RAP1B: variants seen among roughly 807,000 people sequenced by gnomAD.
RAP1B encodes RAP1B, member of RAS oncogene family.
RAP1B carries 1 observed loss-of-function variant against 27.5 expected under a neutral mutation model. The observed-to-expected ratio is 0.04, with a 90% CI of 0.01 to 0.17. RAP1B has a LOEUF of 0.17. RAP1B is among the 10% of genes least tolerant of loss of function. The pLI is 1.00. For synonymous variants in RAP1B, 75 were observed against 73.1 expected, an observed-to-expected ratio of 1.03 and a Z score of -0.13; for missense variants, 84 against 214.8, an observed-to-expected ratio of 0.39 and a Z score of 3.81.
chr12:68,612,755 A>G, intron 1 of RAP1B, among the ~76,000 whole-genome samples: 1 of 152,338 alleles, frequency 6.6e-6, no homozygotes, highest in African/African-American at 2.4e-5. Flanking sequence ...AGCCTGAATG[A>G]TAGTCTTATT....
intron 1 of RAP1B, among the ~76,000 whole-genome samples, chr12:68,628,692 A>G (rs1318687245): frequency 6.6e-6 from 1 of 152,108 alleles, no homozygotes; most frequent in African/African-American, 2.4e-5. Context: ...TTTCATGAAT[A>G]TTGAAGCTCT....
chr12:68,621,080 A>G (rs2135918296), intron 1 of RAP1B, among the ~76,000 whole-genome samples: 1 of 152,340 alleles, frequency 6.6e-6, no homozygotes, highest in East Asian at 1.9e-4. Context: ...CCAGTGTTGC[A>G]AAGAACAAAG....
chr12:68,640,572 G>C (rs2135947163), intron 1 of RAP1B, among the ~76,000 whole-genome samples: 1 of 152,266 alleles, frequency 6.6e-6, no homozygotes, highest in Non-Finnish European at 1.5e-5. Context: ...GACCAGCACA[G>C]TTCTTGGGTT....
intron 1 of RAP1B, among the ~76,000 whole-genome samples, chr12:68,617,910 C>A (rs781593938): frequency 5.5e-4 from 83 of 151,946 alleles, no homozygotes; most frequent in South Asian, 2.3e-3. Flanking sequence ...CCTACAGGCG[C>A]ATGCCACCAT....
chr12:68,626,894 G>A (rs1871827066), intron 1 of RAP1B: 1 of 1,574,942 alleles, frequency 6.3e-7, no homozygotes, highest in Non-Finnish European at 8.6e-7. Context: ...CCCGCCACTT[G>A]TCCACAGGGC....
Position 68,671,148 on chromosome 12 carries a change from C to G in RAP1B, c.*11899C>G, listed in dbSNP as rs1221972488. ...CCATCAACATAAAAAGATGCTCTAA[C>G]TGTAGCCAGAGAAATACGAATCAAA... On this transcript the variant is annotated 3_prime_UTR_variant, in exon 8 of 8. Coordinates refer to ENST00000250559, the MANE Select transcript of RAP1B (RefSeq NM_001010942.3). 1 of 151,294 alleles carries G rather than the reference C, an allele frequency of 6.6e-6. No individual in the cohort carries two copies. Among genetic ancestry groups the G allele is most frequent in the South Asian group, 2.1e-4 (1 of 4,794 alleles). 9.4% of individuals were successfully genotyped at this position (151,294 alleles called of 1,614,324 possible). A position where few individuals can be genotyped will look rare whatever the true frequency, so the allele number is the denominator to read the frequency against.
At chr12:68,657,052 G>A (rs1344212379) in intron 6 of RAP1B, 49 bp from the exon 7 acceptor site, 1 of 1,424,252 alleles carries the variant, frequency 7.0e-7, no homozygotes, top group Admixed American at 1.8e-5. Flanking sequence ...TTTCATTGGG[G>A]GGGATAGGTG....
chr12:68,648,487 TC>T (rs1199753579), intron 1 of RAP1B, among the ~76,000 whole-genome samples: 1 of 152,226 alleles, frequency 6.6e-6, no homozygotes, highest in Non-Finnish European at 1.5e-5. Context: ...CTGTGCTCTA[TC>T]CTGGATCGGG....
At position 68,665,036 on chromosome 12, in the gene RAP1B, C is replaced by T. The variant is rs1242416839; in HGVS notation, c.*5787C>T. The T allele has an allele frequency of 2.0e-5, 3 of 152,102 alleles. No individual in the cohort carries two copies. 9.4% of individuals were successfully genotyped at this position (152,102 alleles called of 1,614,324 possible). On this transcript the variant is annotated 3_prime_UTR_variant, in exon 8 of 8. Transcript: ENST00000250559. ...GCGTGTGGTGGTGCTTGCCTGTAAT[C>T]CCAGCTGCTTGGGAGGCTGAGGTAG...
At chr12:68,614,448 T>C (rs1033614256) in intron 1 of RAP1B, among the ~76,000 whole-genome samples, 1 of 152,240 alleles carries the variant, frequency 6.6e-6, no homozygotes, top group Admixed American at 6.5e-5. Context: ...TGACTGGCAC[T>C]AGGAGTAATT....
chr12:68,619,138 A>G (rs1280464971), intron 1 of RAP1B, among the ~76,000 whole-genome samples: 1 of 152,168 alleles, frequency 6.6e-6, no homozygotes, highest in Non-Finnish European at 1.5e-5. Context: ...ATACTGAAAT[A>G]TAATGGTTGT....
In RAP1B at chr12:68,665,796, T is replaced by C. The variant is rs1018138483; in HGVS notation, c.*6547T>C. 2 of 152,094 alleles carry C rather than the reference T, an allele frequency of 1.3e-5. No homozygotes were observed. The highest frequency in any genetic ancestry group is 2.9e-5 in the Non-Finnish European group (2 of 68,018). The allele number at this position is 152,094 out of a possible 1,614,324, so 9.4% of individuals were successfully genotyped here. A position where few individuals can be genotyped will look rare whatever the true frequency, so the allele number is the denominator to read the frequency against. Reference sequence around the variant, plus strand: ...GGTCTATGTATATCTGCAGCAACTATAAAGTCTGTTTCAGAGTCAGTATTG... The same window carrying C: ...GGTCTATGTATATCTGCAGCAACTACAAAGTCTGTTTCAGAGTCAGTATTG... On this transcript the variant is annotated 3_prime_UTR_variant, in exon 8 of 8. Transcript: ENST00000250559.
chr12:68,654,355 G>T lies in RAP1B; in HGVS notation c.324+103G>T. 4.3e-6 allele frequency: 2 copies of T among 464,256 alleles called. 1 individual carries two copies. Among genetic ancestry groups the T allele is most frequent in the Non-Finnish European group, 6.5e-6 (2 of 308,490 alleles). The allele number at this position is 464,256 out of a possible 1,614,324, so 28.8% of individuals were successfully genotyped here. On this transcript the variant is annotated intron_variant, in intron 5 of 7. Transcript: ENST00000250559. Reference sequence around the variant, plus strand: ...TTAAAGCTTGTGTATTTTGGTTGGGGGGGGGGTGTTGGTTTTTTTAAACTT... The same window carrying T: ...TTAAAGCTTGTGTATTTTGGTTGGGTGGGGGGTGTTGGTTTTTTTAAACTT...
In RAP1B at chr12:68,656,224, AT is replaced by A. The variant is rs1874194684; in HGVS notation, c.325-79del. On this transcript the variant is annotated intron_variant, in intron 5 of 7. Transcript: ENST00000250559. ...GTGGCATATGAAAAGTAATTCTTAG[AT>A]TTGACTCTTAGAATTCTTTTGATTT... is the stretch of plus-strand genomic sequence containing the variant. The A allele has an allele frequency of 5.5e-6, 7 of 1,279,168 alleles. No individual in the cohort carries two copies. The East Asian group carries it at 1.2e-4, about 22-fold the overall frequency. The allele number at this position is 1,279,168 out of a possible 1,614,324, so 79.2% of individuals were successfully genotyped here.
chr12:68,630,630 T>C (rs1872166135), intron 1 of RAP1B, among the ~76,000 whole-genome samples: 1 of 152,070 alleles, frequency 6.6e-6, no homozygotes, highest in Admixed American at 6.6e-5. Flanking sequence ...TAACTGAGTA[T>C]GGTTTTGGGG....
rs79502064 is a variant in RAP1B at position 68,630,487 on chromosome 12, T to C, written c.-26-18212T>C. ...AGTTCTAGTTGGCCAACCTCCCCTC[T>C]AGGGCAAGAAACTGGTTTTGATTCA... On this transcript the variant is annotated intron_variant, in intron 1 of 7. Transcript: ENST00000250559. 1.8e-3 allele frequency among the ~76,000 whole-genome samples: 276 copies of C among 152,298 alleles called. 2 individuals are homozygous for C. Among genetic ancestry groups the C allele is most frequent in the Admixed American group, 0.014 (219 of 15,294 alleles).
chr12:68,627,440 A>AT, intron 1 of RAP1B: 1 of 420,992 alleles, frequency 2.4e-6, no homozygotes, highest in Non-Finnish European at 4.4e-6. Flanking sequence ...TTTACTAATA[A>AT]TAGTGTTAGG....
rs1190659547 is a variant in RAP1B at position 68,663,097 on chromosome 12, C to G, written c.*3848C>G. On this transcript the variant is annotated 3_prime_UTR_variant, in exon 8 of 8. Transcript: ENST00000250559. Reference sequence around the variant, plus strand: ...TTTTTTTTTGAGACTGAGTTTCGCTCTTGTTGCCCAGGCTGGCGTACAGTG... The same window carrying G: ...TTTTTTTTTGAGACTGAGTTTCGCTGTTGTTGCCCAGGCTGGCGTACAGTG... The G allele has an allele frequency of 6.8e-6, 1 of 146,506 alleles. No homozygotes were observed. Among genetic ancestry groups the G allele is most frequent in the Non-Finnish European group, 1.5e-5 (1 of 66,810 alleles). The allele number at this position is 146,506 out of a possible 1,614,324, so 9.1% of individuals were successfully genotyped here.
intron 4 of RAP1B, 79 bp from the exon 5 acceptor site, chr12:68,654,033 A>G (rs1207999767): frequency 8.3e-7 from 1 of 1,203,332 alleles, no homozygotes; most frequent in Non-Finnish European, 1.2e-6. Flanking sequence ...TCATTGAGCT[A>G]TAATTATAGA....
Sources: allele counts gnomAD v4.1 joint callset (sites outside exome capture counted in the v4.1 genomes callset), GRCh38; gene constraint gnomAD v4.1.1; transcripts MANE v1.5; gene names NCBI Gene and HGNC (gene_info 2026-07-23, HGNC 2026-07-21).